Variants in ILRUN observed in about 807,000 individuals in gnomAD.
ILRUN encodes the protein protein ILRUN.
Under a neutral mutation model 33.8 loss-of-function variants are expected in ILRUN, and 3 were observed. The observed-to-expected ratio is 0.09, with a 90% CI of 0.04 to 0.23. The LOEUF (loss-of-function observed/expected upper bound fraction) is 0.23, where lower values mean the gene tolerates loss of function less well. Among genes scored for constraint, ILRUN ranks in the 10% least tolerant of loss-of-function variants. ILRUN has a pLI of 1.00. For missense variants in ILRUN, 210 were observed against 375.1 expected (o/e 0.56, Z 3.64); for synonymous variants, 124 against 138.9 (o/e 0.89, Z 0.75).
intron 2 of ILRUN, among the ~76,000 whole-genome samples, chr6:34,650,531 T>C (rs1380645059): frequency 2.0e-5 from 3 of 151,842 alleles, no homozygotes; most frequent in Admixed American, 6.6e-5. Context: ...CCCAGGTTCA[T>C]GCAATTCTTC....
intron 3 of ILRUN, among the ~76,000 whole-genome samples, chr6:34,626,399 C>T (rs1027772513): frequency 6.6e-6 from 1 of 152,158 alleles, no homozygotes; most frequent in Admixed American, 6.5e-5. Flanking sequence ...TGGTCTCAAA[C>T]TCCTAGGCCT....
chr6:34,692,160 C>A (rs1402311520), intron 1 of ILRUN, among the ~76,000 whole-genome samples: 3 of 151,968 alleles, frequency 2.0e-5, no homozygotes, highest in African/African-American at 7.2e-5. Context: ...ATGGAGGTCT[C>A]GCTATCTTGC....
At chr6:34,602,045 AG>A (rs1761520516) in intron 4 of ILRUN, among the ~76,000 whole-genome samples, 1 of 152,240 alleles carries the variant, frequency 6.6e-6, no homozygotes, top group African/African-American at 2.4e-5. Flanking sequence ...ATTTGATGGA[AG>A]TAATAACAGT....
At chr6:34,607,191 C>T (rs1259002397) in intron 3 of ILRUN, among the ~76,000 whole-genome samples, 1 of 152,210 alleles carries the variant, frequency 6.6e-6, no homozygotes, top group African/African-American at 2.4e-5. Flanking sequence ...AATGCACCGT[C>T]ATCTTTGGAA....
chr6:34,598,710 T>A (rs1030499430), intron 4 of ILRUN, among the ~76,000 whole-genome samples: 1 of 152,208 alleles, frequency 6.6e-6, no homozygotes, highest in Admixed American at 6.5e-5. Flanking sequence ...TTCCTGGAGA[T>A]ACTTTTTATT....
chr6:34,616,488 A>G (rs565001695), intron 3 of ILRUN: 2 of 749,326 alleles, frequency 2.7e-6, no homozygotes, highest in Middle Eastern at 3.9e-4. Flanking sequence ...AACATGCCCC[A>G]ACAGTAGGCA....
At chr6:34,696,164 C>A (rs115212107) in intron 1 of ILRUN, among the ~76,000 whole-genome samples, 2 of 152,158 alleles carry the variant, frequency 1.3e-5, no homozygotes, top group African/African-American at 4.8e-5. Flanking sequence ...CCCCTCATCC[C>A]ACGTCCCTTG....
intron 1 of ILRUN, among the ~76,000 whole-genome samples, chr6:34,691,212 G>A (rs1183481611): frequency 6.6e-6 from 1 of 152,084 alleles, no homozygotes; most frequent in African/African-American, 2.4e-5. Flanking sequence ...TCTTAAGTCA[G>A]TTTCCGGTTT....
chr6:34,696,723 G>A lies in ILRUN; in HGVS notation c.-120C>T. The A allele has an allele frequency of 9.7e-7, 1 of 1,029,646 alleles. No homozygotes were observed. The highest frequency in any genetic ancestry group is 1.4e-6 in the Non-Finnish European group (1 of 713,216). The allele number at this position is 1,029,646 out of a possible 1,614,324, so 63.8% of individuals were successfully genotyped here. A position where few individuals can be genotyped will look rare whatever the true frequency, so the allele number is the denominator to read the frequency against. On this transcript the variant is annotated 5_prime_UTR_variant, in exon 1 of 5. Coordinates refer to ENST00000374023, the MANE Select transcript of ILRUN (RefSeq NM_024294.4). ...AGCTTCGCGACCCCGCTCCTTTGAG[G>A]TAGGCCCCGGGCCTCTCACAGTCTC...
intron 2 of ILRUN, among the ~76,000 whole-genome samples, chr6:34,649,778 C>G (rs1762625401): frequency 6.6e-6 from 1 of 152,162 alleles, no homozygotes; most frequent in Non-Finnish European, 1.5e-5. Context: ...TCCATGAAAG[C>G]AGAAACCTTC....
At chr6:34,693,788 T>A (rs1044979983) in intron 1 of ILRUN, among the ~76,000 whole-genome samples, 7 of 151,648 alleles carry the variant, frequency 4.6e-5, no homozygotes, top group Non-Finnish European at 1.0e-4. Context: ...TGTCTCAGCC[T>A]CCCTCAAATA....
intron 3 of ILRUN, among the ~76,000 whole-genome samples, chr6:34,628,881 C>T (rs1762192889): frequency 6.6e-6 from 1 of 151,812 alleles, no homozygotes; most frequent in East Asian, 1.9e-4. Context: ...TTTGGGAGGC[C>T]AAGACAGGAA....
intron 1 of ILRUN, among the ~76,000 whole-genome samples, chr6:34,689,556 A>G (rs1763603873): frequency 6.6e-6 from 1 of 152,014 alleles, no homozygotes; most frequent in South Asian, 2.1e-4. Flanking sequence ...ATTTAAGGAA[A>G]CCAATATTAA....
At chr6:34,650,891 T>A in intron 2 of ILRUN, among the ~76,000 whole-genome samples, 1 of 152,206 alleles carries the variant, frequency 6.6e-6, no homozygotes. Flanking sequence ...AAGACAGAAG[T>A]GCCATAAAAA....
intron 1 of ILRUN, among the ~76,000 whole-genome samples, chr6:34,683,399 CATAT>C (rs1554189799): frequency 2.1e-4 from 23 of 111,144 alleles, no homozygotes; most frequent in East Asian, 6.1e-4. Flanking sequence ...TATATATGCA[CATAT>C]ATACATATAT....
At chr6:34,670,844 C>CAA (rs201024054) in intron 1 of ILRUN, among the ~76,000 whole-genome samples, 12 of 58,468 alleles carry the variant, frequency 2.1e-4, no homozygotes, top group African/African-American at 5.9e-4. Flanking sequence ...GACCCTGTCT[C>CAA]AAAAAAAAAA....
intron 1 of ILRUN, among the ~76,000 whole-genome samples, chr6:34,664,474 A>C (rs1339998353): frequency 6.6e-6 from 1 of 152,138 alleles, no homozygotes; most frequent in African/African-American, 2.4e-5. Flanking sequence ...CCGGGATCAA[A>C]ATGGTGCTGT....
intron 1 of ILRUN, among the ~76,000 whole-genome samples, chr6:34,677,997 G>A (rs972291820): frequency 6.7e-6 from 1 of 148,446 alleles, no homozygotes; most frequent in Admixed American, 6.7e-5. Flanking sequence ...GTGCACCACT[G>A]TGTCTGGCCT....
chr6:34,631,638 T>C (rs1320074388), intron 3 of ILRUN, among the ~76,000 whole-genome samples: 1 of 152,112 alleles, frequency 6.6e-6, no homozygotes, highest in Non-Finnish European at 1.5e-5. Flanking sequence ...CTAATACATT[T>C]TATTATTTGC....
Sources: gnomAD v4.1 joint callset for allele counts (sites outside exome capture counted in the v4.1 genomes callset) on GRCh38, gnomAD v4.1.1 for gene constraint, MANE v1.5 for transcripts, NCBI Gene and HGNC (gene_info 2026-07-23, HGNC 2026-07-21) for gene names.